The following CEP250 variants were observed in gnomAD, a reference collection of about 807,000 sequenced individuals.
The protein encoded by CEP250 is centrosomal protein 250, also known as centrosome-associated protein CEP250.
A neutral mutation model predicts 315.7 loss-of-function variants in CEP250; 242 were observed. That is an observed-to-expected ratio of 0.77 (90% CI 0.69 to 0.85). CEP250 has a LOEUF of 0.85. CEP250 is among the 40% of genes least tolerant of loss of function. The pLI is 0.00. For synonymous variants in CEP250, 1,088 were observed against 1,175.0 expected, an observed-to-expected ratio of 0.93 and a Z score of 1.51; for missense variants, 2,515 against 2,886.4, an observed-to-expected ratio of 0.87 and a Z score of 2.95.
chr20:35,480,258 A>G, intron 20 of CEP250, 113 bp downstream of exon 20: 1 of 1,095,454 alleles, frequency 9.1e-7, no homozygotes, highest in South Asian at 1.6e-5. Flanking sequence ...CAAGCTGTAA[A>G]ATCCAACTTC....
At chr20:35,508,295 C>G in intron 32 of CEP250, 105 bp downstream of exon 32, 1 of 1,239,890 alleles carries the variant, frequency 8.1e-7, no homozygotes, top group Admixed American at 2.2e-5. Flanking sequence ...CAGCCTGCTG[C>G]CTGTTTCTGA....
In CEP250 at chr20:35,495,767, A is replaced by T. The variant is rs76527836; in HGVS notation, c.3168-810A>T. Among the ~76,000 whole-genome samples, 1,394 of 152,050 alleles carry T rather than the reference A, an allele frequency of 9.2e-3. 16 individuals carry two copies. Among genetic ancestry groups the T allele is most frequent in the African/African-American group, 0.031 (1,291 of 41,498 alleles). ...TCCATCTCAAAAAAAGCAAAAAACA[A>T]CAAAAAAAAGACACAGTTTGAGAAG... On this transcript the variant is annotated intron_variant, in intron 24 of 34. Coordinates refer to ENST00000397527, the MANE Select transcript of CEP250 (RefSeq NM_007186.6).
chr20:35,459,061 C>T (rs2062698131), intron 2 of CEP250, among the ~76,000 whole-genome samples: 1 of 139,272 alleles, frequency 7.2e-6, no homozygotes, highest in African/African-American at 2.8e-5. Context: ...GAACTCCTGA[C>T]CTCAAGTGAT....
At chr20:35,494,454 C>G in intron 23 of CEP250, 70 bp from the exon 24 acceptor site, 1 of 1,596,614 alleles carries the variant, frequency 6.3e-7, no homozygotes, top group Admixed American at 1.7e-5. Context: ...CCCTGAAGCC[C>G]TAGGTGAGGA....
intron 34 of CEP250, among the ~76,000 whole-genome samples, chr20:35,510,775 G>A (rs1226289719): frequency 2.0e-5 from 3 of 152,108 alleles, no homozygotes; most frequent in African/African-American, 2.4e-5. Flanking sequence ...TGGGCGGATC[G>A]CTTGAGGTCA....
At position 35,493,521 on chromosome 20, in the gene CEP250, C is replaced by G; in HGVS notation, c.2982C>G (p.Leu994=). The G allele has an allele frequency of 6.2e-7, 1 of 1,607,490 alleles. No individual in the cohort carries two copies. Among genetic ancestry groups the G allele is most frequent in the Non-Finnish European group, 8.5e-7 (1 of 1,177,330 alleles). ...ARQHRDDLAA[L]QEESSSLLQD... ...AGCACAGAGATGACCTTGCTGCCCT[C>G]CAAGAAGAGAGCAGCTCCCTGCTGC... The change falls in exon 23 of 35, where the codon CTC becomes CTG. Residue 994 remains leucine (L), a synonymous_variant. Transcript: ENST00000397527.
intron 5 of CEP250, among the ~76,000 whole-genome samples, chr20:35,464,824 A>T (rs2062834844): frequency 1.3e-5 from 2 of 152,144 alleles, no homozygotes; most frequent in Admixed American, 1.3e-4. Context: ...CGGGAGGCTG[A>T]GGCAGGAGAA....
At chr20:35,492,434 C>T (rs1304272800) in intron 22 of CEP250, among the ~76,000 whole-genome samples, 3 of 152,044 alleles carry the variant, frequency 2.0e-5, no homozygotes, top group African/African-American at 7.3e-5. Context: ...ATCCTAAAAC[C>T]CACTACACAG....
chr20:35,506,943 G>T (rs1601315792), intron 30 of CEP250, among the ~76,000 whole-genome samples: 1 of 152,038 alleles, frequency 6.6e-6, no homozygotes, highest in East Asian at 1.9e-4. Context: ...CATACTCTTG[G>T]GTTACTGAGC....
At position 35,497,614 on chromosome 20, in the gene CEP250, C is replaced by G. The variant is rs534283165; in HGVS notation, c.3307-105C>G. On this transcript the variant is annotated intron_variant, in intron 25 of 34. Coordinates refer to ENST00000397527, the MANE Select transcript of CEP250 (RefSeq NM_007186.6). ...GAGAGCTGAGCTGAAATCCTCCCAG[C>G]CCTGATCAGAGTTTGTACAAGGATT... is the stretch of plus-strand genomic sequence containing the variant. 176 of 792,396 alleles carry G rather than the reference C, an allele frequency of 2.2e-4. No homozygotes were observed. In the African/African-American group the frequency reaches 2.6e-3, roughly 12 times the overall value. 49.1% of individuals were successfully genotyped at this position (792,396 alleles called of 1,614,324 possible). A position where few individuals can be genotyped will look rare whatever the true frequency, so the allele number is the denominator to read the frequency against.
intron 33 of CEP250, among the ~76,000 whole-genome samples, 164 bp downstream of exon 33, chr20:35,509,208 C>T (rs937495058): frequency 6.6e-6 from 1 of 152,168 alleles, no homozygotes; most frequent in Non-Finnish European, 1.5e-5. Context: ...CTGTCCCTGC[C>T]CTGAGAAGGA....
chr20:35,485,645 C>CAT (rs2063489500), intron 20 of CEP250, among the ~76,000 whole-genome samples: 1 of 33,788 alleles, frequency 3.0e-5, no homozygotes, highest in African/African-American at 1.2e-4. Flanking sequence ...GTCTGCCTGG[C>CAT]TTTTTTTTTT....
chr20:35,508,107 C>A lies in CEP250; in HGVS notation c.6823C>A (p.Leu2275Met). 1 of 1,614,136 alleles carries A rather than the reference C, an allele frequency of 6.2e-7. No homozygotes were observed. Among genetic ancestry groups the A allele is most frequent in the African/African-American group, 1.3e-5 (1 of 75,026 alleles). Residue 2275 changes from leucine to methionine, a missense_variant, in exon 32 of 35, where the codon CTG becomes ATG. Physicochemically the swap from Leu to Met is conservative, Grantham distance 15. Transcript: ENST00000397527. ...GTCATGGAGACAAAGGCTTGAACAC[C>A]TGCAGCAAGCAGTGGCCCGGCTGGA... is the stretch of plus-strand genomic sequence containing the variant. ...KQSWRQRLEH[L>M]QQAVARLEID...
intron 27 of CEP250, 86 bp downstream of exon 27, chr20:35,498,802 T>G: frequency 7.0e-7 from 1 of 1,432,708 alleles, no homozygotes; most frequent in Non-Finnish European, 9.3e-7. Flanking sequence ...TTGACCTGTT[T>G]TATTCCTGAG....
intron 20 of CEP250, among the ~76,000 whole-genome samples, chr20:35,487,522 C>T (rs978844141): frequency 1.3e-5 from 2 of 152,094 alleles, no homozygotes; most frequent in African/African-American, 4.8e-5. Context: ...TTTATTCTTC[C>T]ATCTACTGTC....
At chr20:35,498,104 A>G in intron 26 of CEP250, 37 bp downstream of exon 26, 2 of 1,454,072 alleles carry the variant, frequency 1.4e-6, no homozygotes, top group Non-Finnish European at 1.8e-6. Context: ...CCTTTGGGCC[A>G]AAGCCAGGCC....
Position 35,473,883 on chromosome 20 carries a change from C to G in CEP250, c.1402C>G (p.Leu468Val). The G allele has an allele frequency of 1.2e-6, 2 of 1,612,262 alleles. No homozygotes were observed. Among genetic ancestry groups the G allele is most frequent in the South Asian group, 1.1e-5 (1 of 90,892 alleles). ...CCCTTCTTCCAGGGAGCGAGAGCTG[C>G]TGCAGAAGGCCAGGGAAGAGCTGCG... Reference protein sequence around the residue: ...VDSLSKERELLQKAREELRQQ... With the variant: ...VDSLSKERELVQKAREELRQQ... Residue 468 changes from leucine (L) to valine (V), a missense_variant, in exon 14 of 35, where the codon CTG (leucine) becomes GTG (valine). Coordinates refer to ENST00000397527, the MANE Select transcript of CEP250 (RefSeq NM_007186.6).
chr20:35,480,030 A>T lies in CEP250; in HGVS notation c.2471A>T (p.Gln824Leu). The change falls in exon 20 of 35, where the codon CAG (glutamine) becomes CTG (leucine). Residue 824 changes from glutamine (Q) to leucine (L), a missense_variant. Physicochemically the swap from Gln to Leu is moderately radical, Grantham distance 113 (BLOSUM62 -2). Coordinates refer to ENST00000397527, the MANE Select transcript of CEP250 (RefSeq NM_007186.6). Reference protein sequence around the residue: ...ELDTERSQAEQERDAAARQLA... With the variant: ...ELDTERSQAELERDAAARQLA... The stretch of plus-strand genomic sequence containing the variant: ...GACACTGAACGGAGTCAGGCAGAGC[A>T]GGAGCGGGATGCTGCAGCCAGACAG... 6.2e-7 allele frequency: 1 copy of T among 1,613,660 alleles called. No homozygotes were observed. Among genetic ancestry groups the T allele is most frequent in the South Asian group, 1.1e-5 (1 of 91,054 alleles).
intron 25 of CEP250, among the ~76,000 whole-genome samples, chr20:35,497,023 GT>G (rs756908082): frequency 6.6e-6 from 1 of 152,306 alleles, no homozygotes; most frequent in Non-Finnish European, 1.5e-5. Flanking sequence ...GCTGGGTCTG[GT>G]TGGCAAGATG....
Sources: gnomAD v4.1 joint callset for allele counts (sites outside exome capture counted in the v4.1 genomes callset) on GRCh38, gnomAD v4.1.1 for gene constraint, MANE v1.5 for transcripts, NCBI Gene and HGNC (gene_info 2026-07-23, HGNC 2026-07-21) for gene names.